The following OCA2 variants were observed in gnomAD, a reference collection of about 807,000 sequenced individuals.
The protein encoded by OCA2 is OCA2 melanosomal transmembrane protein.
Under a neutral mutation model 100.2 loss-of-function variants are expected in OCA2, and 77 were observed. That is an observed-to-expected ratio of 0.77 (90% CI 0.64 to 0.93). The LOEUF is 0.93. Ranked by LOEUF, OCA2 falls within the 40% of genes least tolerant of loss-of-function variation. The probability of loss-of-function intolerance (pLI) is 0.00; values close to 1 mark genes in which losing one functional copy is unlikely to be tolerated. For missense variants in OCA2, 1,062 were observed against 1,089.1 expected (o/e 0.98, Z 0.35); for synonymous variants, 432 against 439.2 (o/e 0.98, Z 0.21).
At chr15:27,871,991 T>A (rs765462068) in intron 19 of OCA2, 69 bp from the exon 20 acceptor site, 1 of 1,215,934 alleles carries the variant, frequency 8.2e-7, no homozygotes, top group Non-Finnish European at 1.2e-6. Flanking sequence ...AAAAAAAAAG[T>A]CTTGAAAATG....
intron 21 of OCA2, among the ~76,000 whole-genome samples, chr15:27,852,793 A>G (rs2035803194): frequency 7.9e-6 from 1 of 126,322 alleles, no homozygotes; most frequent in Non-Finnish European, 1.7e-5. Flanking sequence ...AAAAGAAGAC[A>G]TTTATGCAGC....
At chr15:27,806,759 G>A (rs1428114437) in intron 23 of OCA2, among the ~76,000 whole-genome samples, 1 of 152,218 alleles carries the variant, frequency 6.6e-6, no homozygotes, top group South Asian at 2.1e-4. Context: ...AAAAGAAGCC[G>A]GCTGAACTTC....
chr15:27,758,933 G>T (rs1300590943), intron 23 of OCA2, among the ~76,000 whole-genome samples: 1 of 152,086 alleles, frequency 6.6e-6, no homozygotes, highest in Non-Finnish European at 1.5e-5. Context: ...ATTGGTAAAA[G>T]ATATAAACCT....
intron 19 of OCA2, among the ~76,000 whole-genome samples, chr15:27,908,642 C>G (rs1343159208): frequency 6.6e-6 from 1 of 152,102 alleles, no homozygotes; most frequent in Non-Finnish European, 1.5e-5. Context: ...CACGTGAGTA[C>G]AGATCCATGT....
chr15:27,755,812 C>T (rs1012993980), intron 23 of OCA2, among the ~76,000 whole-genome samples: 1 of 152,134 alleles, frequency 6.6e-6, no homozygotes, highest in African/African-American at 2.4e-5. Flanking sequence ...GATGTTTCCT[C>T]TACTTGTGTC....
At chr15:27,913,899 G>GAAAGAAAGAAAGAAAGAA (rs1567098702) in intron 19 of OCA2, among the ~76,000 whole-genome samples, 2 of 32,830 alleles carry the variant, frequency 6.1e-5, no homozygotes, top group Admixed American at 4.3e-4. Flanking sequence ...AAGAAAGCAA[G>GAAAGAAAGAAAGAAAGAA]CAAGCAAGCA....
intron 20 of OCA2, 39 bp downstream of exon 20, chr15:27,871,824 C>A: frequency 7.6e-7 from 1 of 1,310,942 alleles, no homozygotes; most frequent in Non-Finnish European, 1.1e-6. Context: ...AATCAAAGAA[C>A]AGTGGCTGGA....
the OCA2 span, among the ~76,000 whole-genome samples, chr15:27,749,081 G>A: frequency 2.6e-3 from 390 of 152,180 alleles, 2 homozygotes; most frequent in African/African-American, 8.7e-3. Context: ...AAAATTTCCC[G>A]ATTTTGGTAA....
chr15:27,885,136 A>G lies in OCA2; in HGVS notation c.2080-13214T>C, dbSNP rs192370989. Reference sequence around the variant, plus strand: ...TAGTTTATGAGGAAAGGTAACTAATATTGAAAAATAACATACACCAGAAAT... The same window carrying G: ...TAGTTTATGAGGAAAGGTAACTAATGTTGAAAAATAACATACACCAGAAAT... On this transcript the variant is annotated intron_variant, in intron 19 of 23. Coordinates refer to ENST00000354638, the MANE Select transcript of OCA2 (RefSeq NM_000275.3). 9.8e-5 allele frequency among the ~76,000 whole-genome samples: 15 copies of G among 152,368 alleles called. No homozygotes were observed. In the East Asian group the frequency reaches 2.5e-3, roughly 25 times the overall value.
At chr15:27,778,025 C>T (rs1018712418) in intron 23 of OCA2, among the ~76,000 whole-genome samples, 2 of 152,144 alleles carry the variant, frequency 1.3e-5, no homozygotes, top group Admixed American at 6.5e-5. Flanking sequence ...ATTAGAGTGG[C>T]CTTTTAGTGT....
chr15:27,722,278 A>C, the OCA2 span, among the ~76,000 whole-genome samples: 1 of 152,212 alleles, frequency 6.6e-6, no homozygotes, highest in Non-Finnish European at 1.5e-5. Flanking sequence ...CAGTCTTTGC[A>C]AATATCCGGG....
chr15:27,982,355 T>G (rs939953265), intron 14 of OCA2, among the ~76,000 whole-genome samples: 1 of 152,194 alleles, frequency 6.6e-6, no homozygotes, highest in African/African-American at 2.4e-5. Flanking sequence ...TAAAAATACT[T>G]CTATTCCATG....
intron 23 of OCA2, among the ~76,000 whole-genome samples, chr15:27,792,665 C>T (rs1020882616): frequency 1.4e-4 from 21 of 152,184 alleles, no homozygotes; most frequent in Admixed American, 1.3e-4. Context: ...CCCCAGCATT[C>T]CCGGGTGTAC....
chr15:27,941,582 A>AGACC (rs1321711274), intron 18 of OCA2, among the ~76,000 whole-genome samples: 3 of 152,226 alleles, frequency 2.0e-5, no homozygotes, highest in African/African-American at 7.2e-5. Flanking sequence ...TAATAAAAGG[A>AGACC]GACCGCAACC....
intron 2 of OCA2, among the ~76,000 whole-genome samples, chr15:28,050,655 A>G (rs1199444385): frequency 6.6e-6 from 1 of 151,966 alleles, no homozygotes; most frequent in Non-Finnish European, 1.5e-5. Flanking sequence ...TCTAGGAGAC[A>G]GACATAATAC....
At chr15:27,927,959 T>G (rs1346042752) in intron 18 of OCA2, among the ~76,000 whole-genome samples, 1 of 151,776 alleles carries the variant, frequency 6.6e-6, no homozygotes, top group Non-Finnish European at 1.5e-5. Flanking sequence ...GCCCAGCTAA[T>G]TTTTGTATTT....
intron 2 of OCA2, among the ~76,000 whole-genome samples, chr15:28,065,153 A>G (rs1199754776): frequency 6.6e-6 from 1 of 152,172 alleles, no homozygotes; most frequent in Admixed American, 6.5e-5. Context: ...CTGATGGAGC[A>G]CTTCATCAAC....
At chr15:27,853,660 C>T (rs574784567) in intron 21 of OCA2, among the ~76,000 whole-genome samples, 106 of 152,004 alleles carry the variant, frequency 7.0e-4, no homozygotes, top group African/African-American at 2.4e-3. Context: ...GGGAAGGACA[C>T]AGCCATTGAG....
the OCA2 span, among the ~76,000 whole-genome samples, chr15:27,719,371 A>G: frequency 4.1e-4 from 62 of 151,812 alleles, no homozygotes; most frequent in African/African-American, 1.5e-3. Context: ...TCTACACTTA[A>G]CCCTCATTTA....
Sources: gnomAD v4.1 joint callset for allele counts (sites outside exome capture counted in the v4.1 genomes callset) on GRCh38, gnomAD v4.1.1 for gene constraint, MANE v1.5 for transcripts, NCBI Gene and HGNC (gene_info 2026-07-23, HGNC 2026-07-21) for gene names.